Variants in CSMD1 observed in about 807,000 individuals in gnomAD.
CSMD1 encodes CUB and Sushi multiple domains 1.
CSMD1 carries 213 observed loss-of-function variants against 417.5 expected under a neutral mutation model. That is an observed-to-expected ratio of 0.51 (90% CI 0.46 to 0.57). CSMD1 has a LOEUF of 0.57. Ranked by LOEUF, CSMD1 falls within the 20% of genes least tolerant of loss-of-function variation. CSMD1 has a pLI of 0.00. For synonymous variants in CSMD1, 2,862 were observed against 1,736.8 expected (o/e 1.65, Z -16.11); for missense variants, 6,923 against 4,529.7 (o/e 1.53, Z -15.17).
chr8:3,484,650 C>G (rs898380661), intron 11 of CSMD1, among the ~76,000 whole-genome samples: 2 of 152,168 alleles, frequency 1.3e-5, no homozygotes, highest in African/African-American at 4.8e-5. Context: ...AGTGAAAAGA[C>G]AAGCCGCAGA....
chr8:4,758,144 G>C (rs1050063916), intron 1 of CSMD1, among the ~76,000 whole-genome samples: 4 of 151,956 alleles, frequency 2.6e-5, no homozygotes, highest in Non-Finnish European at 5.9e-5. Context: ...AACCAAAATG[G>C]TGGTGTTTTT....
intron 11 of CSMD1, among the ~76,000 whole-genome samples, chr8:3,490,060 C>G (rs542004519): frequency 1.3e-5 from 2 of 152,266 alleles, no homozygotes; most frequent in South Asian, 2.1e-4. Context: ...AAGTATTTGT[C>G]GATGTATCGC....
At chr8:3,261,641 T>G (rs1272870793) in intron 26 of CSMD1, among the ~76,000 whole-genome samples, 1 of 152,164 alleles carries the variant, frequency 6.6e-6, no homozygotes, top group African/African-American at 2.4e-5. Flanking sequence ...GCTGCCTCCA[T>G]TCCCTGGAGT....
chr8:4,028,383 A>T (rs1797172761), intron 4 of CSMD1, among the ~76,000 whole-genome samples: 1 of 152,168 alleles, frequency 6.6e-6, no homozygotes, highest in Non-Finnish European at 1.5e-5. Context: ...GGCTTACAGT[A>T]AGTGGACAAT....
At chr8:4,384,636 C>G (rs1054024537) in intron 3 of CSMD1, among the ~76,000 whole-genome samples, 4 of 151,694 alleles carry the variant, frequency 2.6e-5, no homozygotes, top group African/African-American at 9.7e-5. Context: ...TTTTGTTATT[C>G]AACAACCTGC....
intron 2 of CSMD1, among the ~76,000 whole-genome samples, chr8:4,476,089 T>C (rs1154081): frequency 0.044 from 6,653 of 151,982 alleles, 356 homozygotes; most frequent in African/African-American, 0.13. Context: ...ATTATATATA[T>C]TTAATACATA....
intron 4 of CSMD1, among the ~76,000 whole-genome samples, chr8:4,019,003 T>C (rs1228732828): frequency 6.6e-6 from 1 of 152,262 alleles, no homozygotes; most frequent in African/African-American, 2.4e-5. Context: ...CCACACTTTC[T>C]TAAAATCTAC....
At chr8:3,953,495 T>C (rs1811722663) in intron 5 of CSMD1, among the ~76,000 whole-genome samples, 1 of 152,154 alleles carries the variant, frequency 6.6e-6, no homozygotes, top group Admixed American at 6.5e-5. Flanking sequence ...GGGCTGAGTT[T>C]GGGGGTTTCA....
chr8:3,360,077 T>C (rs935016589), intron 20 of CSMD1, among the ~76,000 whole-genome samples: 2 of 152,200 alleles, frequency 1.3e-5, no homozygotes, highest in African/African-American at 4.8e-5. Flanking sequence ...GCTATGTTTC[T>C]GGAAATCTTA....
At position 4,015,009 on chromosome 8, in the gene CSMD1, C is replaced by T. The variant is rs145180966; in HGVS notation, c.610+16896G>A. ...CAGCAAATATGCAAACCACGTAGAC[C>T]AGGTTTACTAGAATCTAAGACTGAT... On this transcript the variant is annotated intron_variant, in intron 4 of 69. Transcript: ENST00000635120. 5.4e-3 allele frequency among the ~76,000 whole-genome samples: 816 copies of T among 152,226 alleles called. 19 individuals are homozygous for T. Among genetic ancestry groups the T allele is most frequent in the East Asian group, 0.048 (246 of 5,172 alleles).
At chr8:3,401,616 G>C (rs1199547465) in intron 15 of CSMD1, among the ~76,000 whole-genome samples, 2 of 152,184 alleles carry the variant, frequency 1.3e-5, no homozygotes, top group African/African-American at 2.4e-5. Flanking sequence ...AACTGTAGTA[G>C]CTACAGTTGG....
At chr8:4,430,454 G>A (rs2128946609) in intron 2 of CSMD1, among the ~76,000 whole-genome samples, 1 of 152,166 alleles carries the variant, frequency 6.6e-6, no homozygotes, top group Non-Finnish European at 1.5e-5. Context: ...AATTTCATTT[G>A]GTTATGGTGA....
chr8:3,105,655 T>C (rs1381073847), intron 46 of CSMD1, among the ~76,000 whole-genome samples: 3 of 152,244 alleles, frequency 2.0e-5, no homozygotes, highest in Admixed American at 6.5e-5. Flanking sequence ...GTTAAACATA[T>C]GTGAGAAAAA....
At chr8:3,254,428 C>G (rs1172050935) in intron 26 of CSMD1, among the ~76,000 whole-genome samples, 1 of 152,162 alleles carries the variant, frequency 6.6e-6, no homozygotes, top group Non-Finnish European at 1.5e-5. Context: ...GCCTGCCTTG[C>G]TAGATTGGGG....
chr8:4,954,775 G>C (rs1312257308), intron 1 of CSMD1, among the ~76,000 whole-genome samples: 1 of 152,050 alleles, frequency 6.6e-6, no homozygotes, highest in Non-Finnish European at 1.5e-5. Context: ...CTATTACACA[G>C]AATTACGGTT....
intron 1 of CSMD1, among the ~76,000 whole-genome samples, chr8:4,950,167 T>A (rs1211106450): frequency 6.6e-6 from 1 of 152,202 alleles, no homozygotes; most frequent in Admixed American, 6.5e-5. Context: ...CTTTTGTATA[T>A]GATTGTGCTA....
intron 5 of CSMD1, among the ~76,000 whole-genome samples, chr8:3,787,746 T>G (rs1799526112): frequency 6.6e-6 from 1 of 152,212 alleles, no homozygotes; most frequent in South Asian, 2.1e-4. Context: ...AGACCCTGTA[T>G]GGGGAAGTTA....
At chr8:4,404,836 C>T (rs1563138738) in intron 3 of CSMD1, among the ~76,000 whole-genome samples, 1 of 152,252 alleles carries the variant, frequency 6.6e-6, no homozygotes, top group Admixed American at 6.5e-5. Flanking sequence ...GCAATAACAA[C>T]AACAGGCCCT....
chr8:3,468,825 C>G lies in CSMD1; in HGVS notation c.1449-1G>C. 6.3e-7 allele frequency: 1 copy of G among 1,581,486 alleles called. No individual in the cohort carries two copies. The highest frequency in any genetic ancestry group is 8.6e-7 in the Non-Finnish European group (1 of 1,162,816). ...GTCAGGAACACTGGATCCCGTGAGC[C>G]TGCAAGAAAGAGAAATGTCAAAGCT... On this transcript the variant is annotated splice_acceptor_variant, in intron 11 of 69. Transcript: ENST00000635120. LOFTEE classifies it high-confidence loss of function.
Sources: allele counts gnomAD v4.1 joint callset (sites outside exome capture counted in the v4.1 genomes callset), GRCh38; gene constraint gnomAD v4.1.1; transcripts MANE v1.5; gene names NCBI Gene and HGNC (gene_info 2026-07-23, HGNC 2026-07-21).